The following TNR variants were observed in gnomAD, a reference collection of about 807,000 sequenced individuals.
TNR encodes tenascin R.
Under a neutral mutation model 150.4 loss-of-function variants are expected in TNR, and 45 were observed. That is an observed-to-expected ratio of 0.30 (90% CI 0.24 to 0.38). The LOEUF is 0.38. TNR is among the 10% of genes least tolerant of loss of function. The pLI, the probability that TNR is intolerant of heterozygous loss-of-function variation, is 1.00. For missense variants in TNR, 1,544 were observed against 1,759.1 expected (o/e 0.88, Z 2.19); for synonymous variants, 687 against 678.4 (o/e 1.01, Z -0.20).
At chr1:175,547,182 C>A (rs1274370292) in intron 1 of TNR, among the ~76,000 whole-genome samples, 1 of 152,216 alleles carries the variant, frequency 6.6e-6, no homozygotes, top group Non-Finnish European at 1.5e-5. Context: ...ATTCCTGACC[C>A]AGGAGCACCC....
intron 1 of TNR, among the ~76,000 whole-genome samples, chr1:175,623,458 T>C (rs1167327719): frequency 6.6e-6 from 1 of 152,160 alleles, no homozygotes; most frequent in Non-Finnish European, 1.5e-5. Flanking sequence ...TTGTTGGAGG[T>C]GCAGGAGGTG....
rs553540541 is a variant in TNR, at chr1:175,742,551, C to T, written c.-165+675G>A. ...TCAAGACACTAGCACTTTCCTACCACCATGAAGTCAGAAGGGACCTCAACC... is the reference window on the plus strand; with the variant it reads ...TCAAGACACTAGCACTTTCCTACCATCATGAAGTCAGAAGGGACCTCAACC... On this transcript the variant is annotated intron_variant, in intron 1 of 22. Coordinates refer to ENST00000367674, the MANE Select transcript of TNR (RefSeq NM_003285.3). Among the ~76,000 whole-genome samples the T allele has an allele frequency of 3.3e-4, 51 of 152,248 alleles. 1 individual carries two copies. The South Asian group carries it at 8.9e-3, about 27-fold the overall frequency.
chr1:175,536,906 A>G (rs1660314512), intron 1 of TNR, among the ~76,000 whole-genome samples: 1 of 152,186 alleles, frequency 6.6e-6, no homozygotes, highest in Admixed American at 6.5e-5. Context: ...TTCTTGGCCA[A>G]GTGGGCCCAT....
intron 2 of TNR, among the ~76,000 whole-genome samples, chr1:175,418,449 C>T (rs115248174): frequency 0.01 from 1,551 of 152,228 alleles, 23 homozygotes; most frequent in African/African-American, 0.035. Flanking sequence ...TGAGGCCGGG[C>T]GGAGTGGCTC....
intron 1 of TNR, among the ~76,000 whole-genome samples, chr1:175,739,829 G>T (rs1667875583): frequency 6.6e-6 from 1 of 152,114 alleles, no homozygotes; most frequent in African/African-American, 2.4e-5. Context: ...AGCTCACATA[G>T]GTACTCTTTC....
chr1:175,609,421 T>A (rs1404316709), intron 1 of TNR, among the ~76,000 whole-genome samples: 3 of 152,270 alleles, frequency 2.0e-5, no homozygotes, highest in Admixed American at 2.0e-4. Context: ...GGGGTCCATG[T>A]TTTCTCTCAT....
At chr1:175,520,673 C>T (rs969611474) in intron 2 of TNR, among the ~76,000 whole-genome samples, 1 of 151,722 alleles carries the variant, frequency 6.6e-6, no homozygotes, top group Non-Finnish European at 1.5e-5. Flanking sequence ...TTTTCCTGCT[C>T]TTCTCTCTCT....
intron 2 of TNR, among the ~76,000 whole-genome samples, chr1:175,434,315 G>T (rs567262691): frequency 2.6e-5 from 4 of 152,160 alleles, no homozygotes; most frequent in Non-Finnish European, 4.4e-5. Flanking sequence ...CCTTCCCTGG[G>T]CCTGATAATG....
intron 1 of TNR, among the ~76,000 whole-genome samples, chr1:175,575,963 T>TA (rs1662092837): frequency 2.6e-5 from 4 of 152,204 alleles, no homozygotes; most frequent in Non-Finnish European, 5.9e-5. Flanking sequence ...CCTGCTCTGC[T>TA]AGGGGCTGCG....
chr1:175,683,739 A>C (rs1666108415), intron 1 of TNR, among the ~76,000 whole-genome samples: 1 of 152,150 alleles, frequency 6.6e-6, no homozygotes, highest in Middle Eastern at 3.2e-3. Flanking sequence ...GAGCTGTGAG[A>C]GTATGTGAGG....
intron 2 of TNR, among the ~76,000 whole-genome samples, chr1:175,438,994 T>C (rs1369900055): frequency 6.6e-6 from 1 of 152,178 alleles, no homozygotes; most frequent in Non-Finnish European, 1.5e-5. Flanking sequence ...AAGCTACCAA[T>C]GACTTTCTTC....
intron 2 of TNR, among the ~76,000 whole-genome samples, chr1:175,474,429 G>C (rs970396719): frequency 6.6e-6 from 1 of 152,170 alleles, no homozygotes; most frequent in South Asian, 2.1e-4. Context: ...AGAGGCCTCA[G>C]AGAGGGCTAA....
rs1274379622 is a variant in TNR, at chr1:175,315,875, A to T, written c.*7482T>A. On this transcript the variant is annotated 3_prime_UTR_variant, in exon 23 of 23. Coordinates refer to ENST00000367674, the MANE Select transcript of TNR (RefSeq NM_003285.3). ...GATTGGAAGGAGGAGCCTGTGTGTT[A>T]ACCAAAATAGACTCACATAGATTCT... is the stretch of plus-strand genomic sequence containing the variant. 2 of 151,686 alleles carry T rather than the reference A, an allele frequency of 1.3e-5. No individual in the cohort carries two copies. Among genetic ancestry groups the T allele is most frequent in the Non-Finnish European group, 2.9e-5 (2 of 68,104 alleles). 9.4% of individuals were successfully genotyped at this position (151,686 alleles called of 1,614,324 possible).
rs115188697 is a variant in TNR at position 175,360,791 on chromosome 1, G to T, written c.2855-1060C>A. 1.0e-2 allele frequency among the ~76,000 whole-genome samples: 1,516 copies of T among 152,240 alleles called. 22 individuals carry two copies. The highest frequency in any genetic ancestry group is 0.033 in the African/African-American group (1,377 of 41,536). On this transcript the variant is annotated intron_variant, in intron 14 of 22. Coordinates refer to ENST00000367674, the MANE Select transcript of TNR (RefSeq NM_003285.3). Reference sequence around the variant, plus strand: ...AAATGCAGCCCTTAGACTACACTTGGCTTGATCTATCTGAGACATGCATGA... The same window carrying T: ...AAATGCAGCCCTTAGACTACACTTGTCTTGATCTATCTGAGACATGCATGA...
At chr1:175,428,603 C>G (rs749524671) in intron 2 of TNR, among the ~76,000 whole-genome samples, 26 of 152,144 alleles carry the variant, frequency 1.7e-4, no homozygotes, top group Non-Finnish European at 2.9e-4. Flanking sequence ...TTCGAGATTA[C>G]ACATTTGTTC....
intron 1 of TNR, among the ~76,000 whole-genome samples, chr1:175,536,537 A>G (rs1478638314): frequency 1.3e-5 from 2 of 152,216 alleles, no homozygotes; most frequent in Non-Finnish European, 2.9e-5. Flanking sequence ...CAGAGCTGAA[A>G]TGAGAGCTCA....
intron 2 of TNR, among the ~76,000 whole-genome samples, chr1:175,432,559 C>T (rs534249514): frequency 9.2e-5 from 14 of 152,214 alleles, no homozygotes; most frequent in South Asian, 4.1e-4. Flanking sequence ...TTTTCCTACA[C>T]GACTTTCTTT....
At position 175,363,771 on chromosome 1, in the gene TNR, C is replaced by T; in HGVS notation, c.2644G>A (p.Val882Ile). 2 of 1,613,926 alleles carry T rather than the reference C, an allele frequency of 1.2e-6. No homozygotes were observed. Among genetic ancestry groups the T allele is most frequent in the Non-Finnish European group, 1.7e-6 (2 of 1,179,874 alleles). ...GATGCAACAGGAGGGCTCCAGGAGACCATCACTGAGTCCTTGGTCACATTG... is the reference window on the plus strand; with the variant it reads ...GATGCAACAGGAGGGCTCCAGGAGATCATCACTGAGTCCTTGGTCACATTG... ...ISNVTKDSVMVSWSPPVASFD... is the reference protein window; with the variant it reads ...ISNVTKDSVMISWSPPVASFD... Residue 882 changes from valine to isoleucine, a missense_variant, in exon 13 of 23, where the codon GTC becomes ATC. Val to Ile is a conservative substitution (Grantham distance 29). Around this residue, in one of 2 missense-constraint regions of TNR, gnomAD observed 1,254 missense variants for 1,329.4 expected, o/e 0.94. Coordinates refer to ENST00000367674, the MANE Select transcript of TNR (RefSeq NM_003285.3).
intron 2 of TNR, among the ~76,000 whole-genome samples, chr1:175,486,493 T>C (rs1658022710): frequency 6.6e-6 from 1 of 152,214 alleles, no homozygotes; most frequent in Admixed American, 6.5e-5. Flanking sequence ...CCATGGTGTA[T>C]ATGTGCCACA....
Sources: allele counts gnomAD v4.1 joint callset (sites outside exome capture counted in the v4.1 genomes callset), GRCh38; gene constraint gnomAD v4.1.1; regional missense constraint gnomAD v4.1.1; transcripts MANE v1.5; gene names NCBI Gene and HGNC (gene_info 2026-07-23, HGNC 2026-07-21).